Variants in NUDT3 observed in about 807,000 individuals in gnomAD.
NUDT3 encodes the protein nudix hydrolase 3.
In NUDT3, 9 loss-of-function variants were observed where a neutral mutation model predicts 23.6. That is an observed-to-expected ratio of 0.38 (90% confidence interval 0.23 to 0.66). The LOEUF (loss-of-function observed/expected upper bound fraction) is 0.66, where lower values mean the gene tolerates loss of function less well. NUDT3 is among the 30% of genes least tolerant of loss of function. The pLI is 0.52. For missense variants in NUDT3, 172 were observed against 218.5 expected, an observed-to-expected ratio of 0.79 and a Z score of 1.34; for synonymous variants, 86 against 82.6, an observed-to-expected ratio of 1.04 and a Z score of -0.22.
At chr6:34,389,718 C>A (rs1224318405) in intron 1 of NUDT3, among the ~76,000 whole-genome samples, 1 of 152,048 alleles carries the variant, frequency 6.6e-6, no homozygotes, top group African/African-American at 2.4e-5. Context: ...AATCCCAGCA[C>A]TTTGGGCGGC....
chr6:34,339,945 TTAG>T (rs1446764552), intron 2 of NUDT3, among the ~76,000 whole-genome samples: 7 of 152,198 alleles, frequency 4.6e-5, no homozygotes, highest in African/African-American at 9.7e-5. Context: ...CGGTGACGGC[TTAG>T]TAGTTTAAAC....
intron 4 of NUDT3, among the ~76,000 whole-genome samples, 177 bp downstream of exon 4, chr6:34,293,274 A>C (rs1763450517): frequency 6.6e-6 from 1 of 152,168 alleles, no homozygotes; most frequent in African/African-American, 2.4e-5. Flanking sequence ...GGTTGCCAAG[A>C]CTGGTCTAGA....
At chr6:34,297,760 A>ATATATATATTTTTTTT (rs1763535832) in intron 2 of NUDT3, among the ~76,000 whole-genome samples, 29 of 53,618 alleles carry the variant, frequency 5.4e-4, no homozygotes, top group South Asian at 2.0e-3. Context: ...TATATATATA[A>ATATATATATTTTTTTT]TTTTTTTTTT....
intron 1 of NUDT3, among the ~76,000 whole-genome samples, chr6:34,370,729 T>C (rs2113759296): frequency 6.6e-6 from 1 of 152,334 alleles, no homozygotes; most frequent in Admixed American, 6.5e-5. Flanking sequence ...ATATTTTCTT[T>C]GGCTAAAACA....
chr6:34,328,962 A>G (rs1764084440), intron 2 of NUDT3, among the ~76,000 whole-genome samples: 1 of 152,242 alleles, frequency 6.6e-6, no homozygotes, highest in African/African-American at 2.4e-5. Context: ...GGTAAAAGGT[A>G]CAGATGAAAA....
chr6:34,349,258 A>G (rs906621497), intron 1 of NUDT3, among the ~76,000 whole-genome samples: 44 of 152,270 alleles, frequency 2.9e-4, no homozygotes, highest in Middle Eastern at 3.4e-3. Context: ...AGGTTGAGAA[A>G]TGATTAAGAC....
At chr6:34,388,371 T>C (rs1388611062) in intron 1 of NUDT3, among the ~76,000 whole-genome samples, 2 of 152,224 alleles carry the variant, frequency 1.3e-5, no homozygotes, top group Non-Finnish European at 2.9e-5. Context: ...TTTATACTTA[T>C]ATTACTACTG....
chr6:34,287,592 A>G lies in NUDT3; in HGVS notation c.*1161T>C, dbSNP rs1020063720. 12 of 152,368 alleles carry G rather than the reference A, an allele frequency of 7.9e-5. 1 individual carries two copies. The highest frequency in any genetic ancestry group is 2.9e-4 in the African/African-American group (12 of 41,582). The allele number at this position is 152,368 out of a possible 1,614,324, so 9.4% of individuals were successfully genotyped here. Reference sequence around the variant, plus strand: ...CATGCCAATACAAAGACAAGCAAGCAGGTGAATTTCCCTAGTGTACTTTTC... The same window carrying G: ...CATGCCAATACAAAGACAAGCAAGCGGGTGAATTTCCCTAGTGTACTTTTC... On this transcript the variant is annotated 3_prime_UTR_variant, in exon 5 of 5. Coordinates refer to ENST00000607016, the MANE Select transcript of NUDT3 (RefSeq NM_006703.4).
At position 34,283,564 on chromosome 6, in the gene NUDT3, GA is replaced by G. The variant is rs1439925797; in HGVS notation, c.*5188del. ...AACTATTTGATTAATTTGAAGGTGA[GA>G]GGTATCATTTTCTCAGATGCTCCAA... is the stretch of plus-strand genomic sequence containing the variant. On this transcript the variant is annotated 3_prime_UTR_variant, in exon 5 of 5. Coordinates refer to ENST00000607016, the MANE Select transcript of NUDT3 (RefSeq NM_006703.4). The G allele has an allele frequency of 1.3e-5, 2 of 152,200 alleles. No individual in the cohort carries two copies. Among genetic ancestry groups the G allele is most frequent in the Non-Finnish European group, 2.9e-5 (2 of 68,050 alleles). 9.4% of individuals were successfully genotyped at this position (152,200 alleles called of 1,614,324 possible).
intron 2 of NUDT3, among the ~76,000 whole-genome samples, chr6:34,298,891 G>C (rs1253603697): frequency 1.3e-5 from 2 of 152,024 alleles, no homozygotes; most frequent in Admixed American, 1.3e-4. Flanking sequence ...TTAAAAATTG[G>C]AATTCAGCAC....
In NUDT3 at chr6:34,350,476, C is replaced by T. The variant is rs756183388; in HGVS notation, c.100-8504G>A. Among the ~76,000 whole-genome samples, 11 of 150,836 alleles carry T rather than the reference C, an allele frequency of 7.3e-5. 1 individual carries two copies. Among genetic ancestry groups the T allele is most frequent in the Non-Finnish European group, 1.5e-4 (10 of 67,842 alleles). On this transcript the variant is annotated intron_variant, in intron 1 of 4. Transcript: ENST00000607016. ...CTTGTTTGGATTCCAGATAAATGGA[C>T]GTATACTATATTTTACACAGTGTTT...
chr6:34,390,564 A>G (rs148769621), intron 1 of NUDT3, among the ~76,000 whole-genome samples: 3,001 of 151,794 alleles, frequency 0.02, 79 homozygotes, highest in African/African-American at 0.059. Flanking sequence ...AGAGATGGGG[A>G]TCTGTGTTGG....
intron 1 of NUDT3, among the ~76,000 whole-genome samples, chr6:34,356,399 T>TA (rs1764562079): frequency 6.6e-6 from 1 of 152,202 alleles, no homozygotes; most frequent in Non-Finnish European, 1.5e-5. Flanking sequence ...TCATTCCTGA[T>TA]ACGGCTGATT....
intron 1 of NUDT3, among the ~76,000 whole-genome samples, chr6:34,375,273 GGCA>G (rs1438907033): frequency 6.6e-6 from 1 of 152,120 alleles, no homozygotes; most frequent in Admixed American, 6.5e-5. Context: ...GAAACGGGGA[GGCA>G]GAGGTTGCAG....
At chr6:34,309,601 T>C (rs1044807325) in intron 2 of NUDT3, among the ~76,000 whole-genome samples, 2 of 151,982 alleles carry the variant, frequency 1.3e-5, no homozygotes, top group Non-Finnish European at 2.9e-5. Context: ...ACTGGTTATT[T>C]AAAAGGTCAG....
chr6:34,349,959 G>A lies in NUDT3; in HGVS notation c.100-7987C>T, dbSNP rs946821130. The stretch of plus-strand genomic sequence containing the variant: ...CAAAAAATGAGCCAGGCGTGGTAGC[G>A]GGTGCCTGTAGTCCCAGCTACTCGG... On this transcript the variant is annotated intron_variant, in intron 1 of 4. Transcript: ENST00000607016. 2.5e-4 allele frequency among the ~76,000 whole-genome samples: 37 copies of A among 150,060 alleles called. 2 individuals carry two copies. Among genetic ancestry groups the A allele is most frequent in the African/African-American group, 9.0e-4 (36 of 40,106 alleles).
In NUDT3 at chr6:34,284,236, G is replaced by A. The variant is rs1019688056; in HGVS notation, c.*4517C>T. 6.6e-6 allele frequency: 1 copy of A among 152,134 alleles called. No individual in the cohort carries two copies. Among genetic ancestry groups the A allele is most frequent in the Non-Finnish European group, 1.5e-5 (1 of 68,044 alleles). 9.4% of individuals were successfully genotyped at this position (152,134 alleles called of 1,614,324 possible). On this transcript the variant is annotated 3_prime_UTR_variant, in exon 5 of 5. Transcript: ENST00000607016. ...TTCAATAATCTCCTCCCTCCCCATA[G>A]CTGCTTGAGTTAACTGTCCCACAAG... is the stretch of plus-strand genomic sequence containing the variant.
Position 34,339,520 on chromosome 6 carries a change from T to C in NUDT3, c.210+2342A>G, listed in dbSNP as rs557680005. 1.4e-3 allele frequency among the ~76,000 whole-genome samples: 211 copies of C among 152,348 alleles called. 1 individual carries two copies. Among genetic ancestry groups the C allele is most frequent in the Non-Finnish European group, 1.2e-3 (81 of 68,040 alleles). On this transcript the variant is annotated intron_variant, in intron 2 of 4. Transcript: ENST00000607016. Reference sequence around the variant, plus strand: ...AGTAGATCTGGGTTGGGGTCTGAGATTTTCCATTTCTAACAAGCTCCTGGC... The same window carrying C: ...AGTAGATCTGGGTTGGGGTCTGAGACTTTCCATTTCTAACAAGCTCCTGGC...
chr6:34,322,954 A>G (rs1266132544), intron 2 of NUDT3, among the ~76,000 whole-genome samples: 1 of 152,366 alleles, frequency 6.6e-6, no homozygotes, highest in East Asian at 1.9e-4. Flanking sequence ...TTGCAGCAAC[A>G]TGGTTACAGC....
Sources: gnomAD v4.1 joint callset for allele counts (sites outside exome capture counted in the v4.1 genomes callset) on GRCh38, gnomAD v4.1.1 for gene constraint, MANE v1.5 for transcripts, NCBI Gene and HGNC (gene_info 2026-07-23, HGNC 2026-07-21) for gene names.